The following ARB2A variants were observed in gnomAD, a reference collection of about 807,000 sequenced individuals.
The protein encoded by ARB2A is ARB2 cotranscriptional regulator A, also known as cotranscriptional regulator ARB2A.
At chr5:93,826,457 T>C in the ARB2A span, among the ~76,000 whole-genome samples, 1 of 152,180 alleles carries the variant, frequency 6.6e-6, no homozygotes, top group South Asian at 2.1e-4. Flanking sequence ...TATTTAATGG[T>C]CATTTCCTTC....
At chr5:93,818,959 G>A in the ARB2A span, among the ~76,000 whole-genome samples, 5 of 151,960 alleles carry the variant, frequency 3.3e-5, no homozygotes, top group South Asian at 2.1e-4. Context: ...AGGCCGAGAC[G>A]GGCGGATCAC....
chr5:93,837,407 G>A, the ARB2A span, among the ~76,000 whole-genome samples: 11 of 152,200 alleles, frequency 7.2e-5, no homozygotes, highest in Middle Eastern at 3.4e-3. Context: ...CTACTGCAAC[G>A]AATAGTGCTG....
the ARB2A span, among the ~76,000 whole-genome samples, chr5:93,985,156 C>T: frequency 6.6e-6 from 1 of 152,114 alleles, no homozygotes; most frequent in African/African-American, 2.4e-5. Context: ...ATTATCCCCT[C>T]TTTCTTATAG....
At chr5:94,067,339 A>G in the ARB2A span, among the ~76,000 whole-genome samples, 3 of 152,198 alleles carry the variant, frequency 2.0e-5, no homozygotes, top group African/African-American at 4.8e-5. Context: ...TGTCCTTTTC[A>G]GAAAAATCAG....
At chr5:93,710,654 C>T in the ARB2A span, among the ~76,000 whole-genome samples, 1 of 152,136 alleles carries the variant, frequency 6.6e-6, no homozygotes, top group Non-Finnish European at 1.5e-5. Context: ...AGCCCACTCC[C>T]TACAGTTCAG....
chr5:93,900,182 T>C, the ARB2A span, among the ~76,000 whole-genome samples: 2 of 152,300 alleles, frequency 1.3e-5, no homozygotes, highest in East Asian at 1.9e-4. Context: ...TTTCAAAGAG[T>C]ATTATTTTGA....
At chr5:94,031,520 C>T in the ARB2A span, among the ~76,000 whole-genome samples, 104 of 152,064 alleles carry the variant, frequency 6.8e-4, no homozygotes, top group African/African-American at 2.3e-3. Flanking sequence ...CTTCTTACAG[C>T]GAGATGCTAG....
the ARB2A span, among the ~76,000 whole-genome samples, chr5:93,967,862 A>G: frequency 6.6e-6 from 1 of 152,104 alleles, no homozygotes; most frequent in African/African-American, 2.4e-5. Context: ...GGACTATAGA[A>G]TATCTCCCCA....
At chr5:93,946,989 T>C in the ARB2A span, among the ~76,000 whole-genome samples, 1 of 152,208 alleles carries the variant, frequency 6.6e-6, no homozygotes, top group African/African-American at 2.4e-5. Context: ...CCATGACTTT[T>C]TAATGTCATA....
At chr5:93,925,999 T>C in the ARB2A span, among the ~76,000 whole-genome samples, 1 of 152,190 alleles carries the variant, frequency 6.6e-6, no homozygotes, top group African/African-American at 2.4e-5. Flanking sequence ...AATATTAAGA[T>C]TTAAATCACA....
the ARB2A span, among the ~76,000 whole-genome samples, chr5:93,622,499 G>A: frequency 6.6e-6 from 1 of 152,158 alleles, no homozygotes. Context: ...ACAACAATAA[G>A]GATGCTATGG....
chr5:94,059,546 G>A, the ARB2A span, among the ~76,000 whole-genome samples: 5 of 147,966 alleles, frequency 3.4e-5, no homozygotes, highest in East Asian at 2.0e-4. Context: ...GCTTGAACCC[G>A]GGAGGCAGAG....
chr5:94,076,955 T>C, the ARB2A span, among the ~76,000 whole-genome samples: 1 of 152,118 alleles, frequency 6.6e-6, no homozygotes, highest in African/African-American at 2.4e-5. Context: ...AGGGTCATTA[T>C]CAAAATTCAT....
the ARB2A span, among the ~76,000 whole-genome samples, chr5:93,933,309 C>T: frequency 6.6e-6 from 1 of 152,084 alleles, no homozygotes; most frequent in Non-Finnish European, 1.5e-5. Flanking sequence ...TGGGTATATA[C>T]CTAAAGGATT....
chr5:94,050,737 T>C, the ARB2A span: 11 of 1,601,940 alleles, frequency 6.9e-6, no homozygotes, highest in African/African-American at 2.7e-5. Flanking sequence ...ATACCTCTCC[T>C]AGAGCCTCGT....
chr5:93,646,759 A>G, the ARB2A span, among the ~76,000 whole-genome samples: 1 of 152,106 alleles, frequency 6.6e-6, no homozygotes, highest in Non-Finnish European at 1.5e-5. Flanking sequence ...AGACTGAGAT[A>G]TGGAAAAAAC....
chr5:93,938,100 T>C, the ARB2A span, among the ~76,000 whole-genome samples: 1 of 152,186 alleles, frequency 6.6e-6, no homozygotes, highest in Non-Finnish European at 1.5e-5. Context: ...TTATACAGAT[T>C]TGAGCATCAC....
the ARB2A span, among the ~76,000 whole-genome samples, chr5:94,089,431 C>T: frequency 6.6e-6 from 1 of 151,918 alleles, no homozygotes; most frequent in African/African-American, 2.4e-5. Context: ...GCTAGAAGAC[C>T]GCAGGTACTA....
the ARB2A span, among the ~76,000 whole-genome samples, chr5:94,080,297 A>T: frequency 1.1e-3 from 164 of 152,258 alleles, no homozygotes; most frequent in African/African-American, 3.8e-3. Context: ...AACATAAACA[A>T]TATTATAAAT....
Sources: gnomAD v4.1 joint callset for allele counts (sites outside exome capture counted in the v4.1 genomes callset) on GRCh38, gnomAD v4.1.1 for gene constraint, MANE v1.5 for transcripts, NCBI Gene and HGNC (gene_info 2026-07-23, HGNC 2026-07-21) for gene names.